Variants in RAB19 observed in about 807,000 individuals in gnomAD.
The protein encoded by RAB19 is ras-related protein Rab-19.
RAB19 carries 21 observed loss-of-function variants against 17.3 expected under a neutral mutation model. The observed-to-expected ratio is 1.21, with a 90% CI of 0.86 to 1.74. The LOEUF is 1.74. RAB19 is among the 40% of genes most tolerant of loss of function. RAB19 has a pLI of 0.00. For missense variants in RAB19, 277 were observed against 286.8 expected, an observed-to-expected ratio of 0.97 and a Z score of 0.25; for synonymous variants, 126 against 110.4, an observed-to-expected ratio of 1.14 and a Z score of -0.88.
intron 3 of RAB19, among the ~76,000 whole-genome samples, chr7:140,418,017 C>T (rs917040916): frequency 2.0e-5 from 3 of 152,124 alleles, no homozygotes; most frequent in African/African-American, 7.2e-5. Context: ...CATGGGCCCC[C>T]GTTCCTAGCC....
At chr7:140,416,086 T>C (rs1217445224) in intron 3 of RAB19, among the ~76,000 whole-genome samples, 2 of 152,058 alleles carry the variant, frequency 1.3e-5, no homozygotes, top group East Asian at 3.9e-4. Flanking sequence ...CTCACGTCTG[T>C]AATCCTAGCA....
chr7:140,410,924 T>C, intron 2 of RAB19: 1 of 1,367,710 alleles, frequency 7.3e-7, no homozygotes, highest in Non-Finnish European at 9.8e-7. Flanking sequence ...GAGGTATTAT[T>C]GTGAGAACAT....
chr7:140,406,360 C>T (rs538117038), intron 1 of RAB19, among the ~76,000 whole-genome samples: 35 of 151,632 alleles, frequency 2.3e-4, no homozygotes, highest in East Asian at 7.8e-4. Context: ...AATTTTCTGG[C>T]GGCGCGTGAT....
Position 140,407,829 on chromosome 7 carries a change from T to C in RAB19, c.183T>C (p.Ile61=). The C allele has an allele frequency of 6.2e-7, 1 of 1,613,242 alleles. No homozygotes were observed. Among genetic ancestry groups the C allele is most frequent in the Non-Finnish European group, 8.5e-7 (1 of 1,179,900 alleles). Residue 61 remains isoleucine, a synonymous_variant, in exon 2 of 4, where the codon ATT becomes ATC. Coordinates refer to ENST00000537763, the MANE Select transcript of RAB19 (RefSeq NM_001008749.3). ...ACTTTACCGTGCGTTCCCTTGATAT[T>C]GACGGCAAAAAAGTGAAGGTCAGAG... ...GVDFTVRSLD[I]DGKKVKMQVW... is the part of the protein sequence containing the mutation.
chr7:140,419,806 A>C (rs1452705714), intron 3 of RAB19, among the ~76,000 whole-genome samples: 7 of 152,126 alleles, frequency 4.6e-5, no homozygotes, highest in Admixed American at 1.3e-4. Flanking sequence ...TGGTGCTATT[A>C]GTCCTTTTAC....
chr7:140,412,873 C>T (rs1187359777), intron 3 of RAB19, among the ~76,000 whole-genome samples: 1 of 151,768 alleles, frequency 6.6e-6, no homozygotes, highest in African/African-American at 2.4e-5. Flanking sequence ...TGCCTGTAAT[C>T]CCAGCACTTT....
At chr7:140,423,531 C>T (rs1011979908) in intron 3 of RAB19, among the ~76,000 whole-genome samples, 1 of 151,830 alleles carries the variant, frequency 6.6e-6, no homozygotes, top group Admixed American at 6.6e-5. Flanking sequence ...AAACAAACTA[C>T]TGATTTATAC....
At chr7:140,410,966 A>C in intron 2 of RAB19, 8 of 1,367,818 alleles carry the variant, frequency 5.8e-6, no homozygotes, top group Non-Finnish European at 7.8e-6. Flanking sequence ...TGTTCCTTTA[A>C]AATCAGAACA....
chr7:140,411,804 A>G (rs768917938), intron 2 of RAB19, 70 bp from the exon 3 acceptor site: 1 of 1,612,294 alleles, frequency 6.2e-7, no homozygotes. Context: ...TTTTAAGAAG[A>G]TGTAGGTGAA....
chr7:140,411,992 C>G lies in RAB19; in HGVS notation c.320C>G (p.Ser107Cys). 6.2e-7 allele frequency: 1 copy of G among 1,614,144 alleles called. No homozygotes were observed. Residue 107 changes from serine to cysteine, a missense_variant, in exon 3 of 4, where the codon TCC becomes TGC. Coordinates refer to ENST00000537763, the MANE Select transcript of RAB19 (RefSeq NM_001008749.3). The part of the protein sequence containing the change: ...YDLTRRSTFE[S>C]IPHWIHEIEK... ...CTCACCCGGCGGTCCACGTTCGAGTCCATCCCTCACTGGATTCATGAGATA... is the reference window on the plus strand; with the variant it reads ...CTCACCCGGCGGTCCACGTTCGAGTGCATCCCTCACTGGATTCATGAGATA...
At chr7:140,424,774 G>T (rs1024094201) in intron 3 of RAB19, among the ~76,000 whole-genome samples, 5 of 151,282 alleles carry the variant, frequency 3.3e-5, no homozygotes, top group Non-Finnish European at 4.4e-5. Flanking sequence ...GGAAGAAGGG[G>T]GAATTATGGA....
chr7:140,422,814 T>G (rs1252368193), intron 3 of RAB19, among the ~76,000 whole-genome samples: 1 of 151,480 alleles, frequency 6.6e-6, no homozygotes, highest in Non-Finnish European at 1.5e-5. Context: ...TCAAAAAAAA[T>G]GAATAAATAA....
chr7:140,422,388 CA>C (rs574550720), intron 3 of RAB19, among the ~76,000 whole-genome samples: 28 of 145,660 alleles, frequency 1.9e-4, no homozygotes, highest in Non-Finnish European at 2.7e-4. Context: ...GACGCTGTCT[CA>C]AAAAAAAAAG....
intron 3 of RAB19, among the ~76,000 whole-genome samples, chr7:140,423,439 CAA>C (rs59001396): frequency 1.1e-4 from 14 of 131,036 alleles, no homozygotes; most frequent in Non-Finnish European, 1.5e-4. Flanking sequence ...GACTACATTT[CAA>C]AAAAAAAAAA....
intron 3 of RAB19, among the ~76,000 whole-genome samples, chr7:140,413,253 A>C (rs1313656732): frequency 2.6e-5 from 4 of 152,166 alleles, no homozygotes; most frequent in African/African-American, 4.8e-5. Flanking sequence ...GTCTGTTTTT[A>C]TCAGTACCAC....
chr7:140,406,834 T>C (rs1425951519), intron 1 of RAB19, among the ~76,000 whole-genome samples: 1 of 151,944 alleles, frequency 6.6e-6, no homozygotes, highest in Non-Finnish European at 1.5e-5. Flanking sequence ...ACCAATCACC[T>C]CTTATCAGTC....
At chr7:140,421,132 C>A (rs1249560956) in intron 3 of RAB19, among the ~76,000 whole-genome samples, 2 of 152,034 alleles carry the variant, frequency 1.3e-5, no homozygotes, top group Non-Finnish European at 2.9e-5. Context: ...ACCTCATGAT[C>A]CACCCGCCTT....
chr7:140,410,548 G>T (rs1799340329), intron 2 of RAB19, among the ~76,000 whole-genome samples: 1 of 151,744 alleles, frequency 6.6e-6, no homozygotes, highest in Non-Finnish European at 1.5e-5. Flanking sequence ...GGATGGTCTC[G>T]ATCTCCTGAC....
chr7:140,424,645 GTGTGTATATA>G (rs1395829954), intron 3 of RAB19, among the ~76,000 whole-genome samples: 8 of 131,252 alleles, frequency 6.1e-5, no homozygotes, highest in African/African-American at 2.7e-4. Context: ...ATATATGTGT[GTGTGTATATA>G]TGTGTGTGTA....
Sources: allele counts gnomAD v4.1 joint callset (sites outside exome capture counted in the v4.1 genomes callset), GRCh38; gene constraint gnomAD v4.1.1; transcripts MANE v1.5; gene names NCBI Gene and HGNC (gene_info 2026-07-23, HGNC 2026-07-21).